Variants in LIMS1 observed in about 807,000 individuals in gnomAD.
The protein encoded by LIMS1 is LIM and senescent cell antigen-like-containing domain protein 1.
LIMS1 carries 18 observed loss-of-function variants against 44.1 expected under a neutral mutation model. The observed-to-expected ratio is 0.41, with a 90% CI of 0.28 to 0.61. The LOEUF (loss-of-function observed/expected upper bound fraction) is 0.61, where lower values mean the gene tolerates loss of function less well. Among genes scored for constraint, LIMS1 ranks in the 20% least tolerant of loss-of-function variants. The pLI, the probability that LIMS1 is intolerant of heterozygous loss-of-function variation, is 0.32. For missense variants in LIMS1, 201 were observed against 422.0 expected (o/e 0.48, Z 4.59); for synonymous variants, 93 against 149.1 (o/e 0.62, Z 2.74).
intron 1 of LIMS1, among the ~76,000 whole-genome samples, chr2:108,634,408 A>G (rs936822596): frequency 6.6e-6 from 1 of 152,260 alleles, no homozygotes; most frequent in Admixed American, 6.5e-5. Context: ...CTCATTTTGT[A>G]ACAGAAATTG....
intron 2 of LIMS1, among the ~76,000 whole-genome samples, chr2:108,664,644 A>G (rs557947040): frequency 2.0e-5 from 3 of 152,200 alleles, no homozygotes; most frequent in African/African-American, 4.8e-5. Flanking sequence ...ATTTTATATC[A>G]TAGAGTTTTA....
chr2:108,561,752 T>G (rs954982136), intron 1 of LIMS1, among the ~76,000 whole-genome samples: 6 of 151,028 alleles, frequency 4.0e-5, no homozygotes, highest in South Asian at 2.1e-4. Context: ...TTTTGTTTTT[T>G]TTTTTTTTGA....
chr2:108,622,457 A>G (rs1382923925), intron 1 of LIMS1, among the ~76,000 whole-genome samples: 1 of 152,198 alleles, frequency 6.6e-6, no homozygotes, highest in Non-Finnish European at 1.5e-5. Context: ...GTAATTTGCT[A>G]AAGAAACATT....
chr2:108,623,302 C>G (rs1573476051), intron 1 of LIMS1, among the ~76,000 whole-genome samples: 1 of 151,668 alleles, frequency 6.6e-6, no homozygotes, highest in Non-Finnish European at 1.5e-5. Flanking sequence ...GGTTTCTGAG[C>G]TAATAGGAAT....
intron 1 of LIMS1, among the ~76,000 whole-genome samples, chr2:108,584,565 A>C (rs1047336371): frequency 6.6e-6 from 1 of 152,004 alleles, no homozygotes; most frequent in African/African-American, 2.4e-5. Context: ...TGCCCTCCAC[A>C]AGGTTAGAAA....
At chr2:108,541,183 G>A (rs972358269) in intron 1 of LIMS1, among the ~76,000 whole-genome samples, 1 of 152,138 alleles carries the variant, frequency 6.6e-6, no homozygotes, top group Admixed American at 6.5e-5. Context: ...TCCTATTGAC[G>A]GGCTTCCTTA....
intron 1 of LIMS1, among the ~76,000 whole-genome samples, chr2:108,641,165 A>G (rs1689644716): frequency 6.6e-6 from 1 of 152,156 alleles, no homozygotes; most frequent in Non-Finnish European, 1.5e-5. Flanking sequence ...TGTATTTTAG[A>G]TGATTTTAAG....
intron 1 of LIMS1, among the ~76,000 whole-genome samples, chr2:108,596,837 A>G (rs1438504820): frequency 1.3e-5 from 2 of 151,938 alleles, no homozygotes; most frequent in East Asian, 3.9e-4. Context: ...AAATAAAAAT[A>G]AAAAGGAGGG....
chr2:108,562,463 G>A (rs1210507861), intron 1 of LIMS1, among the ~76,000 whole-genome samples: 1 of 152,184 alleles, frequency 6.6e-6, no homozygotes, highest in African/African-American at 2.4e-5. Flanking sequence ...TGATAAGACA[G>A]CAAAACAGCT....
chr2:108,665,222 A>C (rs895761497), intron 2 of LIMS1, among the ~76,000 whole-genome samples: 1 of 152,204 alleles, frequency 6.6e-6, no homozygotes. Flanking sequence ...GAATGTATTT[A>C]ACAAACCTAA....
At chr2:108,646,186 T>A (rs1252772775) in intron 1 of LIMS1, among the ~76,000 whole-genome samples, 1 of 152,192 alleles carries the variant, frequency 6.6e-6, no homozygotes, top group African/African-American at 2.4e-5. Flanking sequence ...TATACACTCT[T>A]CTCAGCACCA....
At chr2:108,626,980 A>G (rs1328600281) in intron 1 of LIMS1, among the ~76,000 whole-genome samples, 1 of 152,248 alleles carries the variant, frequency 6.6e-6, no homozygotes, top group African/African-American at 2.4e-5. Context: ...AAGTTGCCCT[A>G]TGCAGATGTA....
chr2:108,601,768 T>C (rs1687031521), intron 1 of LIMS1, among the ~76,000 whole-genome samples: 3 of 152,236 alleles, frequency 2.0e-5, no homozygotes, highest in Admixed American at 6.5e-5. Flanking sequence ...CCACCCACCT[T>C]GGCCTCCCAG....
chr2:108,551,951 GTGTA>G (rs55848074), intron 1 of LIMS1, among the ~76,000 whole-genome samples: 43,635 of 127,484 alleles, frequency 0.34, 8,020 homozygotes, highest in East Asian at 0.81. Context: ...GTGTGTGTGT[GTGTA>G]TATATATATA....
chr2:108,582,113 A>T (rs1217218157), intron 1 of LIMS1, among the ~76,000 whole-genome samples: 1 of 152,222 alleles, frequency 6.6e-6, no homozygotes, highest in African/African-American at 2.4e-5. Context: ...TGTGATATTG[A>T]TGAGTTAAGT....
upstream of LIMS1, chr2:108,533,859 G>A (rs543555239): frequency 4.6e-5 from 7 of 152,670 alleles, no homozygotes; most frequent in African/African-American, 1.4e-4. Context: ...GCTCCATGCG[G>A]AGCTCAGGCA....
chr2:108,539,259 A>G (rs771856252), intron 1 of LIMS1, among the ~76,000 whole-genome samples: 4 of 152,038 alleles, frequency 2.6e-5, no homozygotes, highest in Non-Finnish European at 4.4e-5. Flanking sequence ...AATATTTTGT[A>G]TTTTTTGTAG....
intron 1 of LIMS1, among the ~76,000 whole-genome samples, chr2:108,564,433 A>G (rs546610860): frequency 6.6e-6 from 1 of 152,280 alleles, no homozygotes; most frequent in African/African-American, 2.4e-5. Context: ...CTGAACCCTT[A>G]GTAGCTCCGA....
At chr2:108,556,303 C>G (rs893922543) in intron 1 of LIMS1, among the ~76,000 whole-genome samples, 1 of 152,074 alleles carries the variant, frequency 6.6e-6, no homozygotes, top group Non-Finnish European at 1.5e-5. Context: ...GAATAATATT[C>G]CATTGTATGT....
Sources: allele counts gnomAD v4.1 joint callset (sites outside exome capture counted in the v4.1 genomes callset), GRCh38; gene constraint gnomAD v4.1.1; transcripts MANE v1.5; gene names NCBI Gene and HGNC (gene_info 2026-07-23, HGNC 2026-07-21).